Variants in MSN observed in about 807,000 individuals in gnomAD.
The protein encoded by MSN is epididymis luminal protein 70.
A neutral mutation model predicts 48.0 loss-of-function variants in MSN; 2 were observed. The observed-to-expected ratio is 0.04, with a 90% CI of 0.02 to 0.13. The LOEUF is 0.13. Ranked by LOEUF, MSN falls within the 10% of genes least tolerant of loss-of-function variation. The probability of loss-of-function intolerance (pLI) is 1.00; values close to 1 mark genes in which losing one functional copy is unlikely to be tolerated. For missense variants in MSN, 267 were observed against 470.1 expected (o/e 0.57, Z 3.99); for synonymous variants, 146 against 166.9 (o/e 0.87, Z 0.97).
intron 1 of MSN, chrX:65,624,886 G>GA (rs1299963729): frequency 1.8e-5 from 2 of 110,687 alleles, no homozygotes; most frequent in African/African-American, 6.6e-5. Flanking sequence ...AGGAAGGAAG[G>GA]AAGGAAGAAA....
intron 1 of MSN, among the ~76,000 whole-genome samples, chrX:65,617,957 G>T (rs1485795397): frequency 9.2e-6 from 1 of 108,154 alleles, no homozygotes; most frequent in Non-Finnish European, 1.9e-5. Flanking sequence ...CCTTCATTTC[G>T]TTATGTACCC....
chrX:65,683,623 A>G (rs988040390), intron 1 of MSN, among the ~76,000 whole-genome samples: 1 of 111,241 alleles, frequency 9.0e-6, no homozygotes, highest in Admixed American at 9.6e-5. Flanking sequence ...CTGTCCTAAA[A>G]TAGAGAGAGC....
At chrX:65,671,499 G>T (rs748455377) in intron 1 of MSN, among the ~76,000 whole-genome samples, 1 of 111,830 alleles carries the variant, frequency 8.9e-6, no homozygotes, top group Non-Finnish European at 1.9e-5. Flanking sequence ...CACTCGAGTG[G>T]CACTAAAGTG....
chrX:65,702,303 G>A (rs1347857990), intron 1 of MSN, among the ~76,000 whole-genome samples: 5 of 106,822 alleles, frequency 4.7e-5, no homozygotes, highest in African/African-American at 1.4e-4. Context: ...GTGAGCCACC[G>A]CACCCGGCCT....
intron 1 of MSN, among the ~76,000 whole-genome samples, chrX:65,702,342 C>T (rs776984807): frequency 2.3e-4 from 25 of 107,680 alleles, no homozygotes; most frequent in Admixed American, 4.9e-4. Context: ...GCTGTGTTTC[C>T]CTTCTATCAG....
intron 1 of MSN, among the ~76,000 whole-genome samples, chrX:65,646,346 T>C (rs1285394019): frequency 8.9e-6 from 1 of 112,131 alleles, no homozygotes. Context: ...AATTTTACAA[T>C]TTTATTGCTT....
At chrX:65,656,339 G>C (rs751646314) in intron 1 of MSN, among the ~76,000 whole-genome samples, 85 of 109,185 alleles carry the variant, frequency 7.8e-4, no homozygotes, top group Non-Finnish European at 6.1e-4. Context: ...GAGAGAGAAA[G>C]TGATGACATA....
chrX:65,615,404 G>A, intron 1 of MSN, among the ~76,000 whole-genome samples: 1 of 110,138 alleles, frequency 9.1e-6, no homozygotes, highest in Non-Finnish European at 1.9e-5. Context: ...ATTCTAACAG[G>A]TGTGAGATGG....
chrX:65,727,784 A>G (rs1305623000), intron 2 of MSN, 30 bp from the exon 3 acceptor site: 2 of 1,137,062 alleles, frequency 1.8e-6, no homozygotes, highest in East Asian at 3.0e-5. Context: ...TATTCAATCA[A>G]TGGTTGGTTG....
At chrX:65,670,608 A>G (rs1173367042) in intron 1 of MSN, among the ~76,000 whole-genome samples, 3 of 108,406 alleles carry the variant, frequency 2.8e-5, no homozygotes, top group Non-Finnish European at 5.7e-5. Flanking sequence ...CTGTAATCCC[A>G]GCTACTCGGG....
intron 1 of MSN, among the ~76,000 whole-genome samples, chrX:65,660,460 A>G (rs2070813299): frequency 1.8e-5 from 2 of 110,987 alleles, no homozygotes; most frequent in African/African-American, 3.3e-5. Context: ...TTCCTTTCCT[A>G]TTTGGATACC....
At chrX:65,601,009 A>T (rs1602708459) in intron 1 of MSN, among the ~76,000 whole-genome samples, 1 of 112,189 alleles carries the variant, frequency 8.9e-6, no homozygotes, top group East Asian at 2.8e-4. Context: ...AAATTGAATT[A>T]TAGCTGTCTA....
chrX:65,686,619 C>A (rs1472122551), intron 1 of MSN, among the ~76,000 whole-genome samples: 2 of 112,391 alleles, frequency 1.8e-5, no homozygotes, highest in South Asian at 3.6e-4. Flanking sequence ...TTATTGTAGG[C>A]CAGGCTTGCA....
At chrX:65,657,747 G>A (rs1403931503) in intron 1 of MSN, among the ~76,000 whole-genome samples, 3 of 111,375 alleles carry the variant, frequency 2.7e-5, no homozygotes, top group South Asian at 3.8e-4. Context: ...ACCAAGGTGC[G>A]GGGGTGATGC....
At chrX:65,695,267 G>A (rs2071222021) in intron 1 of MSN, among the ~76,000 whole-genome samples, 1 of 110,891 alleles carries the variant, frequency 9.0e-6, no homozygotes, top group African/African-American at 3.3e-5. Context: ...TTGGGAGGCT[G>A]AGGTGGGTGG....
At chrX:65,634,756 C>T (rs2070585965) in intron 1 of MSN, among the ~76,000 whole-genome samples, 1 of 112,514 alleles carries the variant, frequency 8.9e-6, no homozygotes, top group African/African-American at 3.2e-5. Context: ...TGGGGACTAG[C>T]TTTTTTCGCA....
chrX:65,677,592 T>C (rs922771175), intron 1 of MSN, among the ~76,000 whole-genome samples: 86 of 110,114 alleles, frequency 7.8e-4, no homozygotes, highest in African/African-American at 2.8e-3. Flanking sequence ...ACCTTGTCTC[T>C]ACTAAAAATA....
chrX:65,696,225 T>TCACACACACACA (rs111720807), intron 1 of MSN, among the ~76,000 whole-genome samples: 10,990 of 102,123 alleles, frequency 0.11, 1,764 homozygotes, highest in African/African-American at 0.39. Context: ...GCTTGCTCAT[T>TCACACACACACA]CACACACACA....
At chrX:65,618,408 A>G (rs2070397941) in intron 1 of MSN, among the ~76,000 whole-genome samples, 1 of 111,432 alleles carries the variant, frequency 9.0e-6, no homozygotes, top group Non-Finnish European at 1.9e-5. Context: ...GGGTGCATAT[A>G]TATTTAGGAT....
Sources: gnomAD v4.1 joint callset for allele counts (sites outside exome capture counted in the v4.1 genomes callset) on GRCh38, gnomAD v4.1.1 for gene constraint, MANE v1.5 for transcripts, NCBI Gene and HGNC (gene_info 2026-07-23, HGNC 2026-07-21) for gene names.